WDR25: variants seen among roughly 807,000 people sequenced by gnomAD.
WDR25 encodes WD repeat-containing protein 25.
A neutral mutation model predicts 47.7 loss-of-function variants in WDR25; 35 were observed. The ratio of observed to expected loss-of-function variants is 0.73; its 90% CI spans 0.56 to 0.97. The LOEUF is 0.97. Ranked by LOEUF, WDR25 falls within the 50% of genes least tolerant of loss-of-function variation. The pLI is 0.00. For synonymous variants in WDR25, 248 were observed against 278.9 expected, an observed-to-expected ratio of 0.89 and a Z score of 1.10; for missense variants, 634 against 704.7, an observed-to-expected ratio of 0.90 and a Z score of 1.14.
intron 4 of WDR25, among the ~76,000 whole-genome samples, chr14:100,491,648 G>A (rs1357893920): frequency 6.6e-6 from 1 of 152,222 alleles, no homozygotes; most frequent in Non-Finnish European, 1.5e-5. Context: ...TTCCCAGACT[G>A]TATCCCTGTC....
Position 100,523,643 on chromosome 14 carries a change from G to C in WDR25, c.1102-2227G>C, listed in dbSNP as rs575987212. On this transcript the variant is annotated intron_variant, in intron 4 of 6. Coordinates refer to ENST00000402312, the MANE Select transcript of WDR25 (RefSeq NM_001161476.3). The surrounding 1 kb of genome is among the most constrained non-coding windows in gnomAD (Gnocchi z 4.7). ...ACTCTGGAAGTGGCAGGAACCCAAGGCTGCTCTGGACGAGTCAGCAGCGGC... is the reference window on the plus strand; with the variant it reads ...ACTCTGGAAGTGGCAGGAACCCAAGCCTGCTCTGGACGAGTCAGCAGCGGC... 5.9e-5 allele frequency among the ~76,000 whole-genome samples: 9 copies of C among 152,274 alleles called. No homozygotes were observed. In the East Asian group the frequency reaches 1.7e-3, roughly 29 times the overall value.
intron 4 of WDR25, among the ~76,000 whole-genome samples, chr14:100,503,392 G>A (rs1901006411): frequency 6.6e-6 from 1 of 152,134 alleles, no homozygotes; most frequent in African/African-American, 2.4e-5. Context: ...AGTGTTAAAT[G>A]CTAATGAATT....
Position 100,413,051 on chromosome 14 carries a change from G to A in WDR25, c.822+31305G>A, listed in dbSNP as rs572077260. 2.0e-5 allele frequency among the ~76,000 whole-genome samples: 3 copies of A among 152,200 alleles called. No individual in the cohort carries two copies. In the East Asian group the frequency reaches 5.8e-4, roughly 29 times the overall value. On this transcript the variant is annotated intron_variant, in intron 2 of 6. Coordinates refer to ENST00000402312, the MANE Select transcript of WDR25 (RefSeq NM_001161476.3). ...CACCATTTTGGCCAGGCTGGTCCCA[G>A]ACTCCTAACCTCAAGTGATCCACCT...
In WDR25 at chr14:100,499,737, C is replaced by A. The variant is rs1173324784; in HGVS notation, c.1101+15613C>A. Reference sequence around the variant, plus strand: ...GATAGAGCAGACGGGCCACAAGAGGCCTCCTTCCTTCCAGAGCTCCTGTCC... The same window carrying A: ...GATAGAGCAGACGGGCCACAAGAGGACTCCTTCCTTCCAGAGCTCCTGTCC... On this transcript the variant is annotated intron_variant, in intron 4 of 6. Transcript: ENST00000402312. This position sits in a 1 kb window ranked among gnomAD's most constrained non-coding sequence, Gnocchi z 4.4. Among the ~76,000 whole-genome samples, 1 of 152,080 alleles carries A rather than the reference C, an allele frequency of 6.6e-6. No individual in the cohort carries two copies. Among genetic ancestry groups the A allele is most frequent in the African/African-American group, 2.4e-5 (1 of 41,382 alleles).
intron 2 of WDR25, among the ~76,000 whole-genome samples, chr14:100,423,095 A>C (rs1307365537): frequency 6.6e-6 from 1 of 152,220 alleles, no homozygotes; most frequent in East Asian, 1.9e-4. Context: ...TAATTTGCCC[A>C]ATTTAAAAAT....
At chr14:100,415,071 C>T (rs1897832836) in intron 2 of WDR25, among the ~76,000 whole-genome samples, 1 of 152,020 alleles carries the variant, frequency 6.6e-6, no homozygotes, top group Admixed American at 6.6e-5. Context: ...GGCTAGCTCT[C>T]ACGGATGGTT....
intron 2 of WDR25, among the ~76,000 whole-genome samples, chr14:100,403,864 C>G (rs1391672719): frequency 6.6e-6 from 1 of 152,096 alleles, no homozygotes; most frequent in East Asian, 1.9e-4. Context: ...GATCAATATT[C>G]CAGTTTGCTT....
At chr14:100,383,088 G>A (rs570400280) in intron 2 of WDR25, among the ~76,000 whole-genome samples, 1 of 152,336 alleles carries the variant, frequency 6.6e-6, no homozygotes, top group East Asian at 1.9e-4. Context: ...TCCAAGTATA[G>A]AGATGTCTTT....
intron 3 of WDR25, among the ~76,000 whole-genome samples, chr14:100,480,563 A>G (rs1354466047): frequency 6.6e-6 from 1 of 152,202 alleles, no homozygotes; most frequent in Non-Finnish European, 1.5e-5. Context: ...AATTTCTACT[A>G]TGGAGAGAAC....
intron 2 of WDR25, among the ~76,000 whole-genome samples, chr14:100,410,204 C>G (rs1435345047): frequency 2.0e-5 from 3 of 152,182 alleles, no homozygotes; most frequent in African/African-American, 7.2e-5. Flanking sequence ...TCAAACACGT[C>G]AGTGCTCGTC....
intron 2 of WDR25, among the ~76,000 whole-genome samples, chr14:100,439,152 T>G (rs1898590245): frequency 6.6e-6 from 1 of 152,226 alleles, no homozygotes; most frequent in African/African-American, 2.4e-5. Flanking sequence ...CACCCACTGG[T>G]GACTGGTGGC....
chr14:100,491,875 G>A (rs929521449), intron 4 of WDR25, among the ~76,000 whole-genome samples: 5 of 152,178 alleles, frequency 3.3e-5, no homozygotes, highest in African/African-American at 4.8e-5. Flanking sequence ...AGAACCCAAC[G>A]TATCTGTGAG....
chr14:100,404,574 G>A lies in WDR25; in HGVS notation c.822+22828G>A, dbSNP rs555798037. 6.6e-6 allele frequency among the ~76,000 whole-genome samples: 1 copy of A among 152,292 alleles called. No individual in the cohort carries two copies. Among genetic ancestry groups the A allele is most frequent in the East Asian group, 1.9e-4 (1 of 5,172 alleles). On this transcript the variant is annotated intron_variant, in intron 2 of 6. Transcript: ENST00000402312. This position sits in a 1 kb window ranked among gnomAD's most constrained non-coding sequence, Gnocchi z 4.6. ...GCCAGGAGGGTCAGCAGGCCCTTGG[G>A]GGAAGTGCAAATGCATCCTTATCTC... is the stretch of plus-strand genomic sequence containing the variant.
intron 4 of WDR25, among the ~76,000 whole-genome samples, chr14:100,516,667 T>C (rs949889298): frequency 1.3e-5 from 2 of 152,216 alleles, no homozygotes. Context: ...CTTTGCCTGC[T>C]ATTAATATGG....
intron 2 of WDR25, chr14:100,382,263 G>C: frequency 1.5e-6 from 1 of 683,430 alleles, no homozygotes; most frequent in South Asian, 1.5e-5. Context: ...GGACACACAG[G>C]TGCTCTGGGA....
At chr14:100,447,306 C>T (rs1335483740) in intron 2 of WDR25, among the ~76,000 whole-genome samples, 4 of 152,202 alleles carry the variant, frequency 2.6e-5, no homozygotes, top group African/African-American at 4.8e-5. Context: ...GGACTGGAGA[C>T]CCATAAATCT....
chr14:100,496,014 T>C (rs1900717446), intron 4 of WDR25, among the ~76,000 whole-genome samples: 1 of 152,252 alleles, frequency 6.6e-6, no homozygotes, highest in African/African-American at 2.4e-5. Context: ...GTGTAATCTT[T>C]TGAGAAACTG....
chr14:100,517,270 G>T (rs1901536437), intron 4 of WDR25, among the ~76,000 whole-genome samples: 1 of 151,560 alleles, frequency 6.6e-6, no homozygotes, highest in South Asian at 2.1e-4. Flanking sequence ...GTAGAGATGG[G>T]GTTTCACCGT....
chr14:100,445,595 A>G (rs1898806478), intron 2 of WDR25, among the ~76,000 whole-genome samples: 4 of 152,158 alleles, frequency 2.6e-5, no homozygotes. Flanking sequence ...GGGGCCTGAG[A>G]GGTGAATCAA....
Sources: gnomAD v4.1 joint callset for allele counts (sites outside exome capture counted in the v4.1 genomes callset) on GRCh38, gnomAD v4.1.1 for gene constraint, Gnocchi (gnomAD v3.1) non-coding constraint, MANE v1.5 for transcripts, NCBI Gene and HGNC (gene_info 2026-07-23, HGNC 2026-07-21) for gene names.